The following KLF12 variants were observed in gnomAD, a reference collection of about 807,000 sequenced individuals.
KLF12 encodes Krueppel-like factor 12.
A neutral mutation model predicts 37.8 loss-of-function variants in KLF12; 9 were observed. That is an observed-to-expected ratio of 0.24 (90% CI 0.14 to 0.42). KLF12 has a LOEUF of 0.42. KLF12 is among the 10% of genes least tolerant of loss of function. KLF12 has a pLI of 1.00. For synonymous variants in KLF12, 208 were observed against 202.1 expected (o/e 1.03, Z -0.25); for missense variants, 411 against 516.0 (o/e 0.80, Z 1.97).
the KLF12 span, among the ~76,000 whole-genome samples, chr13:74,254,640 T>C: frequency 6.6e-6 from 1 of 152,182 alleles, no homozygotes. Flanking sequence ...TCAACTGTGC[T>C]TCTAAGGTGG....
the KLF12 span, among the ~76,000 whole-genome samples, chr13:74,164,060 A>T: frequency 1.3e-5 from 2 of 152,124 alleles, no homozygotes; most frequent in Non-Finnish European, 2.9e-5. Context: ...TAGTGAAAAG[A>T]TTCTAATAAT....
the KLF12 span, among the ~76,000 whole-genome samples, chr13:74,202,135 G>A: frequency 6.6e-6 from 1 of 152,252 alleles, no homozygotes; most frequent in Admixed American, 6.5e-5. Flanking sequence ...AAGATCTTAA[G>A]ATCTTAAAGG....
intron 3 of KLF12, among the ~76,000 whole-genome samples, chr13:73,876,230 C>T (rs924592724): frequency 6.6e-6 from 1 of 152,102 alleles, no homozygotes; most frequent in African/African-American, 2.4e-5. Flanking sequence ...CTTCACACTA[C>T]CACAGATTAT....
chr13:73,737,755 A>G (rs1297693336), intron 6 of KLF12, among the ~76,000 whole-genome samples: 1 of 152,122 alleles, frequency 6.6e-6, no homozygotes, highest in Non-Finnish European at 1.5e-5. Flanking sequence ...ATTTAGGTAT[A>G]TCTAAAAGCT....
At chr13:73,910,045 T>A (rs73524885) in intron 3 of KLF12, among the ~76,000 whole-genome samples, 7,438 of 152,256 alleles carry the variant, frequency 0.049, 425 homozygotes, top group African/African-American at 0.14. Flanking sequence ...TAAATTGATA[T>A]GCAGGAGCTC....
the KLF12 span, among the ~76,000 whole-genome samples, chr13:74,213,495 C>T: frequency 6.6e-6 from 1 of 151,842 alleles, no homozygotes; most frequent in South Asian, 2.1e-4. Context: ...TTTTTTTTGG[C>T]ATCTATAGAA....
intron 1 of KLF12, among the ~76,000 whole-genome samples, chr13:74,009,135 A>C (rs1322203648): frequency 6.6e-6 from 1 of 152,204 alleles, no homozygotes; most frequent in Non-Finnish European, 1.5e-5. Context: ...CAGTTCAATA[A>C]AGCACTGCAT....
At chr13:74,241,825 C>G in the KLF12 span, among the ~76,000 whole-genome samples, 3 of 152,212 alleles carry the variant, frequency 2.0e-5, no homozygotes, top group African/African-American at 7.2e-5. Flanking sequence ...CATGCACCCA[C>G]TGACCTGCGC....
chr13:73,792,022 T>G (rs181744903), intron 5 of KLF12, among the ~76,000 whole-genome samples: 224 of 152,342 alleles, frequency 1.5e-3, no homozygotes, highest in Middle Eastern at 0.014. Flanking sequence ...GTAGTTCCTA[T>G]GTTTATATAC....
chr13:74,239,137 T>G, the KLF12 span, among the ~76,000 whole-genome samples: 1 of 146,144 alleles, frequency 6.8e-6, no homozygotes, highest in African/African-American at 2.5e-5. Context: ...TCTGGTATGT[T>G]GTGTCTTTGT....
At chr13:74,076,511 C>G (rs1454184458) in intron 1 of KLF12, among the ~76,000 whole-genome samples, 6 of 152,142 alleles carry the variant, frequency 3.9e-5, no homozygotes, top group Admixed American at 2.0e-4. Context: ...GGCAAAGGAG[C>G]TGAAGGCTAT....
chr13:74,115,401 G>A (rs1011431692), intron 1 of KLF12, among the ~76,000 whole-genome samples: 2 of 152,044 alleles, frequency 1.3e-5, no homozygotes, highest in African/African-American at 2.4e-5. Flanking sequence ...CTCCTTCAAA[G>A]GCTCTAGAAA....
At chr13:74,021,298 A>AT (rs1258630477) in intron 1 of KLF12, among the ~76,000 whole-genome samples, 47 of 152,328 alleles carry the variant, frequency 3.1e-4, no homozygotes, top group African/African-American at 1.1e-3. Context: ...CATCAAGAAA[A>AT]AAAAAAGATG....
the KLF12 span, among the ~76,000 whole-genome samples, chr13:74,269,008 A>G: frequency 2.6e-4 from 40 of 152,188 alleles, no homozygotes; most frequent in African/African-American, 9.7e-4. Flanking sequence ...AACTGAGACG[A>G]AAGTGGGGCT....
At chr13:74,001,495 A>G (rs1162746837) in intron 1 of KLF12, among the ~76,000 whole-genome samples, 6 of 152,236 alleles carry the variant, frequency 3.9e-5, no homozygotes, top group African/African-American at 1.4e-4. Context: ...GTAAATAGTT[A>G]AAAGTTTTAG....
At chr13:73,757,482 T>C (rs1006036024) in intron 6 of KLF12, among the ~76,000 whole-genome samples, 1 of 152,204 alleles carries the variant, frequency 6.6e-6, no homozygotes, top group African/African-American at 2.4e-5. Flanking sequence ...TTTATGAAGA[T>C]CTGGTGGTCA....
At chr13:73,760,194 T>C (rs914807952) in intron 6 of KLF12, among the ~76,000 whole-genome samples, 5 of 152,118 alleles carry the variant, frequency 3.3e-5, no homozygotes, top group East Asian at 1.9e-4. Context: ...TGGAGACTTT[T>C]TGTGTATATA....
At chr13:74,012,047 C>T (rs1892564167) in intron 1 of KLF12, among the ~76,000 whole-genome samples, 1 of 152,158 alleles carries the variant, frequency 6.6e-6, no homozygotes, top group African/African-American at 2.4e-5. Flanking sequence ...AAAACATCCA[C>T]TAAACTCCCC....
chr13:73,972,362 A>T (rs555052232), intron 2 of KLF12, among the ~76,000 whole-genome samples: 1 of 152,186 alleles, frequency 6.6e-6, no homozygotes, highest in African/African-American at 2.4e-5. Context: ...TCGACTCCCT[A>T]TAACTAATTC....
Sources: gnomAD v4.1 joint callset for allele counts (sites outside exome capture counted in the v4.1 genomes callset) on GRCh38, gnomAD v4.1.1 for gene constraint, MANE v1.5 for transcripts, NCBI Gene and HGNC (gene_info 2026-07-23, HGNC 2026-07-21) for gene names.